ANKRD30A: variants seen among roughly 807,000 people sequenced by gnomAD.
ANKRD30A encodes ankyrin repeat domain 30A, also known as ankyrin repeat domain-containing protein 30A.
In ANKRD30A, 170 loss-of-function variants were observed where a neutral mutation model predicts 166.3. That is an observed-to-expected ratio of 1.02 (90% CI 0.90 to 1.16). The LOEUF is 1.16. Among genes scored for constraint, ANKRD30A ranks in the 50% most tolerant of loss-of-function variants. The pLI, the probability that ANKRD30A is intolerant of heterozygous loss-of-function variation, is 0.00. For missense variants in ANKRD30A, 1,630 were observed against 1,518.0 expected, an observed-to-expected ratio of 1.07 and a Z score of -1.23; for synonymous variants, 564 against 508.9, an observed-to-expected ratio of 1.11 and a Z score of -1.46.
chr10:37,206,435 A>C (rs765759930), intron 31 of ANKRD30A, among the ~76,000 whole-genome samples: 5 of 151,672 alleles, frequency 3.3e-5, no homozygotes, highest in Admixed American at 6.6e-5. Flanking sequence ...TTATTTATTT[A>C]AGTGAGATAA....
intron 24 of ANKRD30A, among the ~76,000 whole-genome samples, chr10:37,179,257 C>T (rs1450619399): frequency 6.6e-6 from 1 of 150,844 alleles, no homozygotes; most frequent in Non-Finnish European, 1.5e-5. Flanking sequence ...GAATTTATGA[C>T]TTGAATACCT....
intron 25 of ANKRD30A, among the ~76,000 whole-genome samples, chr10:37,189,865 GAGT>G (rs1840386851): frequency 6.6e-6 from 1 of 151,542 alleles, no homozygotes; most frequent in Non-Finnish European, 1.5e-5. Flanking sequence ...AGCGTACAGA[GAGT>G]ATATGAAGGA....
chr10:37,238,185 A>T, the ANKRD30A span, among the ~76,000 whole-genome samples: 3 of 152,126 alleles, frequency 2.0e-5, no homozygotes, highest in Non-Finnish European at 1.5e-5. Flanking sequence ...CTGACCTGGT[A>T]TCACTTTCTC....
intron 29 of ANKRD30A, among the ~76,000 whole-genome samples, chr10:37,198,032 A>C (rs1039751518): frequency 7.2e-5 from 11 of 151,958 alleles, no homozygotes; most frequent in African/African-American, 2.7e-4. Context: ...AGATGAGGAA[A>C]AGAATTATTC....
intron 6 of ANKRD30A, among the ~76,000 whole-genome samples, chr10:37,137,239 A>G (rs1442621777): frequency 6.6e-6 from 1 of 152,208 alleles, no homozygotes; most frequent in Admixed American, 6.5e-5. Context: ...GGAATTAATA[A>G]CAGAAGCCAA....
intron 31 of ANKRD30A, among the ~76,000 whole-genome samples, chr10:37,213,390 C>T (rs1588938746): frequency 1.3e-5 from 2 of 151,716 alleles, no homozygotes; most frequent in East Asian, 3.9e-4. Flanking sequence ...GAAGGGTTGG[C>T]CCTCATGACC....
the ANKRD30A span, among the ~76,000 whole-genome samples, chr10:37,255,771 C>T: frequency 6.6e-6 from 1 of 152,138 alleles, no homozygotes; most frequent in East Asian, 1.9e-4. Context: ...CAATATCAAC[C>T]CCTGGACAGA....
At chr10:37,210,453 A>C (rs1217859579) in intron 31 of ANKRD30A, among the ~76,000 whole-genome samples, 1 of 152,182 alleles carries the variant, frequency 6.6e-6, no homozygotes, top group East Asian at 1.9e-4. Context: ...TTATAATAGA[A>C]TGATTTATAA....
intron 17 of ANKRD30A, among the ~76,000 whole-genome samples, chr10:37,164,406 A>G (rs967267665): frequency 4.0e-5 from 6 of 151,332 alleles, no homozygotes; most frequent in African/African-American, 1.2e-4. Context: ...ATTTTCCTAT[A>G]CATTTCTGAT....
At chr10:37,159,237 C>T (rs2132584097) in intron 15 of ANKRD30A, among the ~76,000 whole-genome samples, 1 of 152,276 alleles carries the variant, frequency 6.6e-6, no homozygotes, top group African/African-American at 2.4e-5. Flanking sequence ...TTACAACAGG[C>T]TGTGCATGGT....
At chr10:37,166,842 T>C in intron 19 of ANKRD30A, 147 bp downstream of exon 19, 1 of 1,392,496 alleles carries the variant, frequency 7.2e-7, no homozygotes, top group Non-Finnish European at 9.7e-7. Flanking sequence ...AAGTTATGTG[T>C]CTCATCAGGT....
At position 37,231,557 on chromosome 10, in the gene ANKRD30A, C is replaced by A. The variant is rs974005262; in HGVS notation, c.*88C>A. 1.8e-5 allele frequency: 19 copies of A among 1,074,274 alleles called. No individual in the cohort carries two copies. Among genetic ancestry groups the A allele is most frequent in the Non-Finnish European group, 2.4e-5 (18 of 756,346 alleles). The allele number at this position is 1,074,274 out of a possible 1,614,324, so 66.5% of individuals were successfully genotyped here. On this transcript the variant is annotated 3_prime_UTR_variant, in exon 35 of 36. Transcript: ENST00000361713. ...TGCTAGGAGGCCAGTCCTAGCATCA[C>A]CTTATGTTGAAAATCTTACCAATAG...
intron 17 of ANKRD30A, 33 bp from the exon 18 acceptor site, chr10:37,165,061 C>T (rs1389265811): frequency 1.3e-5 from 20 of 1,581,438 alleles, no homozygotes; most frequent in Non-Finnish European, 1.6e-5. Context: ...GAGAACTGTG[C>T]TCATGAATGT....
At chr10:37,216,503 ATGTC>A (rs1471709126) in intron 32 of ANKRD30A, 109 bp downstream of exon 32, 1 of 1,077,902 alleles carries the variant, frequency 9.3e-7, no homozygotes, top group Admixed American at 3.0e-5. Context: ...GGAGAAAAAA[ATGTC>A]TGTCTTGTAG....
At chr10:37,252,518 A>G in the ANKRD30A span, among the ~76,000 whole-genome samples, 1 of 152,172 alleles carries the variant, frequency 6.6e-6, no homozygotes, top group Admixed American at 6.5e-5. Context: ...ATAGCTTATT[A>G]CTGTTCACCA....
chr10:37,166,753 G>C, intron 19 of ANKRD30A, 58 bp downstream of exon 19: 4 of 1,606,562 alleles, frequency 2.5e-6, no homozygotes, highest in Non-Finnish European at 2.5e-6. Flanking sequence ...AAACTGATGA[G>C]GAAGGATATC....
intron 15 of ANKRD30A, among the ~76,000 whole-genome samples, chr10:37,159,416 G>A (rs1324754560): frequency 6.6e-6 from 1 of 152,124 alleles, no homozygotes; most frequent in African/African-American, 2.4e-5. Flanking sequence ...TACTCTGGAG[G>A]CTGAGGTGGG....
downstream of ANKRD30A, among the ~76,000 whole-genome samples, chr10:37,233,800 G>A (rs186450466): frequency 2.9e-4 from 44 of 152,212 alleles, no homozygotes; most frequent in Admixed American, 2.6e-3. Flanking sequence ...ACTTTGAGAG[G>A]TGGCACAGAT....
chr10:37,221,044 A>ATTTT (rs35150938), intron 34 of ANKRD30A, among the ~76,000 whole-genome samples: 1 of 131,006 alleles, frequency 7.6e-6, no homozygotes, highest in Non-Finnish European at 1.6e-5. Flanking sequence ...TCCTTCCCAC[A>ATTTT]TTTTTTTTTT....
Sources: allele counts gnomAD v4.1 joint callset (sites outside exome capture counted in the v4.1 genomes callset), GRCh38; gene constraint gnomAD v4.1.1; transcripts MANE v1.5; gene names NCBI Gene and HGNC (gene_info 2026-07-23, HGNC 2026-07-21).